The following GPR158 variants were observed in gnomAD, a reference collection of about 807,000 sequenced individuals.
GPR158 encodes G protein-coupled receptor 158.
Under a neutral mutation model 78.2 loss-of-function variants are expected in GPR158, and 30 were observed. The ratio of observed to expected loss-of-function variants is 0.38; its 90% CI spans 0.29 to 0.52. The LOEUF is 0.52. Among genes scored for constraint, GPR158 ranks in the 20% least tolerant of loss-of-function variants. The probability of loss-of-function intolerance (pLI) is 0.83; values close to 1 mark genes in which losing one functional copy is unlikely to be tolerated. For synonymous variants in GPR158, 581 were observed against 591.1 expected, an observed-to-expected ratio of 0.98 and a Z score of 0.25; for missense variants, 1,463 against 1,523.5, an observed-to-expected ratio of 0.96 and a Z score of 0.66.
rs546345494 is a variant in GPR158, at chr10:25,189,783, A to G, written c.902+13461A>G. 5.3e-5 allele frequency among the ~76,000 whole-genome samples: 8 copies of G among 151,110 alleles called. No individual in the cohort carries two copies. The South Asian group carries it at 1.7e-3, about 32-fold the overall frequency. ...ACATGTACCCTAGAACTTAAAGTAT[A>G]ATTTAAAAAAAAAACCTTTAAAAAA... On this transcript the variant is annotated intron_variant, in intron 1 of 10. Transcript: ENST00000376351.
At position 25,412,291 on chromosome 10, in the gene GPR158, G is replaced by A. The variant is rs1194074243; in HGVS notation, c.1153G>A (p.Val385Met). ...GCATATTTCAGGAAGTACAAAAGAT[G>A]TGTCAGAAGAAGCCTATGTCTGCCT... is the stretch of plus-strand genomic sequence containing the variant. ...DQHISGSTKD[V>M]SEEAYVCLPC... Residue 385 changes from valine to methionine, a missense_variant, in exon 4 of 11, where the codon GTG becomes ATG. By Grantham distance (21) the Val-to-Met change is conservative. Transcript: ENST00000376351. The A allele has an allele frequency of 6.2e-7, 1 of 1,614,138 alleles. No homozygotes were observed. The highest frequency in any genetic ancestry group is 8.5e-7 in the Non-Finnish European group (1 of 1,179,982).
Position 25,175,812 on chromosome 10 carries a change from A to G in GPR158, c.392A>G (p.His131Arg), listed in dbSNP as rs781440767. The G allele has an allele frequency of 3.1e-6, 5 of 1,612,284 alleles. No homozygotes were observed. Among genetic ancestry groups the G allele is most frequent in the South Asian group, 2.2e-5 (2 of 91,094 alleles). Residue 131 changes from histidine (H) to arginine (R), a missense_variant, in exon 1 of 11, where the codon CAC (histidine) becomes CGC (arginine). By Grantham distance (29) the His-to-Arg change is conservative. Coordinates refer to ENST00000376351, the MANE Select transcript of GPR158 (RefSeq NM_020752.3). This position sits in a 1 kb window ranked among gnomAD's most constrained non-coding sequence, Gnocchi z 6.4. ...SLHRALDTLT[H>R]ATNFLNVMLQ... is the part of the protein sequence containing the mutation. The stretch of plus-strand genomic sequence containing the variant: ...CACCGGGCGCTGGACACACTGACAC[A>G]CGCCACCAACTTCCTCAACGTGATG...
intron 5 of GPR158, among the ~76,000 whole-genome samples, chr10:25,547,916 G>A (rs1054549082): frequency 3.9e-5 from 6 of 152,130 alleles, no homozygotes; most frequent in Non-Finnish European, 5.9e-5. Context: ...AATATTTAGT[G>A]AATCATATTT....
At chr10:25,281,002 G>T (rs368374369) in intron 2 of GPR158, among the ~76,000 whole-genome samples, 1 of 151,852 alleles carries the variant, frequency 6.6e-6, no homozygotes, top group African/African-American at 2.4e-5. Context: ...GGGCATGGTG[G>T]TATGCGCCTG....
chr10:25,517,875 T>C (rs1437478507), intron 5 of GPR158, among the ~76,000 whole-genome samples: 11 of 143,590 alleles, frequency 7.7e-5, no homozygotes, highest in Admixed American at 3.5e-4. Flanking sequence ...ATCAGAATGA[T>C]GCTGGCCTCA....
chr10:25,319,424 A>C (rs183138669), intron 2 of GPR158, among the ~76,000 whole-genome samples: 125 of 152,274 alleles, frequency 8.2e-4, no homozygotes, highest in African/African-American at 2.9e-3. Context: ...AATGTCTTCT[A>C]CATAATGGGT....
chr10:25,291,240 G>A (rs929123623), intron 2 of GPR158, among the ~76,000 whole-genome samples: 1 of 151,830 alleles, frequency 6.6e-6, no homozygotes, highest in African/African-American at 2.4e-5. Flanking sequence ...GGAAGGGCAG[G>A]ATAAAATAAG....
intron 5 of GPR158, among the ~76,000 whole-genome samples, chr10:25,550,322 A>G (rs1836711195): frequency 6.6e-6 from 1 of 152,126 alleles, no homozygotes; most frequent in South Asian, 2.1e-4. Flanking sequence ...TATTTGTTGA[A>G]TGAAAACTCT....
chr10:25,309,887 A>C (rs1210717016), intron 2 of GPR158, among the ~76,000 whole-genome samples: 1 of 152,130 alleles, frequency 6.6e-6, no homozygotes, highest in Non-Finnish European at 1.5e-5. Context: ...AGTCTATTAC[A>C]CTTCTTTTCT....
At chr10:25,307,448 A>G (rs1854695103) in intron 2 of GPR158, among the ~76,000 whole-genome samples, 1 of 145,876 alleles carries the variant, frequency 6.9e-6, no homozygotes, top group Admixed American at 7.2e-5. Flanking sequence ...CAGTGGGACC[A>G]TCATAGCTCA....
chr10:25,412,928 T>C (rs952865502), intron 4 of GPR158, among the ~76,000 whole-genome samples: 4 of 152,244 alleles, frequency 2.6e-5, no homozygotes, highest in Admixed American at 6.5e-5. Flanking sequence ...TATGACCTTA[T>C]ATTTTGTCTT....
intron 2 of GPR158, among the ~76,000 whole-genome samples, chr10:25,373,022 C>A (rs1013278457): frequency 6.6e-6 from 1 of 151,776 alleles, no homozygotes; most frequent in Non-Finnish European, 1.5e-5. Context: ...CAGCACTATT[C>A]ATGATAGCAA....
chr10:25,382,303 T>C lies in GPR158; in HGVS notation c.1009-13608T>C, dbSNP rs181525074. ...CACAAGGCATCTTGCTGTGTGTCAG[T>C]GTGAAGTCTGCAGACTTGTAATGTG... On this transcript the variant is annotated intron_variant, in intron 2 of 10. Coordinates refer to ENST00000376351, the MANE Select transcript of GPR158 (RefSeq NM_020752.3). Among the ~76,000 whole-genome samples the C allele has an allele frequency of 3.4e-4, 52 of 152,342 alleles. 1 individual carries two copies. Among genetic ancestry groups the C allele is most frequent in the Middle Eastern group, 3.4e-3 (1 of 294 alleles).
Position 25,396,426 on chromosome 10 carries a change from C to T in GPR158, c.1111+413C>T, listed in dbSNP as rs571219522. ...TGAGCAGCTTAAAGCAGCACAGATT[C>T]GTTATCATACGGTTCCCATTGGTTA... On this transcript the variant is annotated intron_variant, in intron 3 of 10. Coordinates refer to ENST00000376351, the MANE Select transcript of GPR158 (RefSeq NM_020752.3). Among the ~76,000 whole-genome samples the T allele has an allele frequency of 2.6e-5, 4 of 152,116 alleles. No homozygotes were observed. In the East Asian group the frequency reaches 5.8e-4, roughly 22 times the overall value.
chr10:25,574,752 G>A (rs1448332574), intron 7 of GPR158, among the ~76,000 whole-genome samples: 1 of 152,082 alleles, frequency 6.6e-6, no homozygotes, highest in Non-Finnish European at 1.5e-5. Flanking sequence ...AGACATGGTG[G>A]TACACTCCTA....
chr10:25,279,582 C>T (rs1336544610), intron 2 of GPR158, among the ~76,000 whole-genome samples: 1 of 152,058 alleles, frequency 6.6e-6, no homozygotes, highest in Admixed American at 6.6e-5. Context: ...TTAAGACATG[C>T]ATTACATTAT....
At chr10:25,224,796 T>C (rs1853351197) in intron 2 of GPR158, among the ~76,000 whole-genome samples, 1 of 152,166 alleles carries the variant, frequency 6.6e-6, no homozygotes. Flanking sequence ...AGCTGGCAAT[T>C]CTGCATCTTA....
At chr10:25,373,474 C>A (rs913988786) in intron 2 of GPR158, among the ~76,000 whole-genome samples, 17 of 151,826 alleles carry the variant, frequency 1.1e-4, no homozygotes, top group Admixed American at 7.9e-4. Flanking sequence ...CTACCGTCTG[C>A]TTTACATTTC....
At chr10:25,389,555 C>A (rs1834266082) in intron 2 of GPR158, among the ~76,000 whole-genome samples, 1 of 152,112 alleles carries the variant, frequency 6.6e-6, no homozygotes, top group Non-Finnish European at 1.5e-5. Flanking sequence ...TCTTGTTGAC[C>A]CTCCAGTTGT....
Sources: allele counts gnomAD v4.1 joint callset (sites outside exome capture counted in the v4.1 genomes callset), GRCh38; gene constraint gnomAD v4.1.1; non-coding constraint Gnocchi (gnomAD v3.1); transcripts MANE v1.5; gene names NCBI Gene and HGNC (gene_info 2026-07-23, HGNC 2026-07-21).